The following RNF212B variants were observed in gnomAD, a reference collection of about 807,000 sequenced individuals.
The protein encoded by RNF212B is E3 ubiquitin-protein ligase RNF212B.
Under a neutral mutation model 55.5 loss-of-function variants are expected in RNF212B, and 52 were observed. The ratio of observed to expected loss-of-function variants is 0.94; its 90% CI spans 0.75 to 1.18. The LOEUF is 1.18. RNF212B is among the 50% of genes most tolerant of loss of function. The probability of loss-of-function intolerance (pLI) is 0.00; values close to 1 mark genes in which losing one functional copy is unlikely to be tolerated. For synonymous variants in RNF212B, 99 were observed against 121.4 expected, an observed-to-expected ratio of 0.82 and a Z score of 1.21; for missense variants, 289 against 350.4, an observed-to-expected ratio of 0.82 and a Z score of 1.40.
chr14:23,186,541 G>A (rs1156749651), intron 1 of RNF212B, among the ~76,000 whole-genome samples: 2 of 151,950 alleles, frequency 1.3e-5, no homozygotes, highest in East Asian at 1.9e-4. Context: ...GTAGAGACGG[G>A]GTTTCACCCT....
intron 11 of RNF212B, among the ~76,000 whole-genome samples, chr14:23,267,966 G>T (rs1885818841): frequency 6.6e-6 from 1 of 152,164 alleles, no homozygotes; most frequent in Non-Finnish European, 1.5e-5. Context: ...GATAAGGAAG[G>T]ACTGACTTCT....
rs537207761 is a variant in RNF212B, at chr14:23,232,068, G to A, written c.-1-8277G>A. On this transcript the variant is annotated intron_variant, in intron 2 of 15. Transcript: ENST00000399910. ...GCAGCCTCTGCCCGGCTGCCACCCC[G>A]TCTGGGATGTGAGGAGCGTCTCTGC... Among the ~76,000 whole-genome samples the A allele has an allele frequency of 7.2e-5, 11 of 151,982 alleles. No homozygotes were observed. The East Asian group carries it at 1.7e-3, about 24-fold the overall frequency.
intron 8 of RNF212B, 78 bp from the exon 9 acceptor site, chr14:23,262,850 C>A: frequency 6.9e-7 from 1 of 1,458,630 alleles, no homozygotes; most frequent in South Asian, 1.2e-5. Context: ...ACCAGATAAC[C>A]ATGTACAACA....
At chr14:23,256,497 C>T (rs977869254) in intron 4 of RNF212B, among the ~76,000 whole-genome samples, 1 of 151,872 alleles carries the variant, frequency 6.6e-6, no homozygotes, top group Admixed American at 6.6e-5. Context: ...TCAGCCTCTC[C>T]ATTAGCTGGA....
At chr14:23,224,690 C>G (rs192999302) in intron 2 of RNF212B, among the ~76,000 whole-genome samples, 56 of 152,170 alleles carry the variant, frequency 3.7e-4, no homozygotes, top group African/African-American at 1.2e-3. Flanking sequence ...GACACTGGTC[C>G]GGGCAAAAAT....
At chr14:23,205,762 G>A (rs1219170355) in intron 2 of RNF212B, among the ~76,000 whole-genome samples, 1 of 152,208 alleles carries the variant, frequency 6.6e-6, no homozygotes, top group African/African-American at 2.4e-5. Context: ...CACAGGATTA[G>A]AAGTTATGGC....
chr14:23,229,261 T>C (rs78158415), intron 2 of RNF212B, among the ~76,000 whole-genome samples: 4,323 of 126,986 alleles, frequency 0.034, 259 homozygotes, highest in African/African-American at 0.12. Flanking sequence ...TATATATATA[T>C]ACCACATTGT....
chr14:23,188,033 CTGTT>C (rs1877764820), intron 1 of RNF212B: 2 of 152,214 alleles, frequency 1.3e-5, no homozygotes, highest in South Asian at 4.1e-4. Context: ...AGTGTATGCT[CTGTT>C]TGCCTTTTGG....
intron 2 of RNF212B, among the ~76,000 whole-genome samples, chr14:23,226,890 G>T (rs1855716847): frequency 6.6e-6 from 1 of 150,500 alleles, no homozygotes; most frequent in Non-Finnish European, 1.5e-5. Flanking sequence ...TAATCCTCCG[G>T]GTTTGGCCTC....
chr14:23,187,231 A>G (rs1172093610), intron 1 of RNF212B, among the ~76,000 whole-genome samples: 1 of 152,212 alleles, frequency 6.6e-6, no homozygotes, highest in Non-Finnish European at 1.5e-5. Flanking sequence ...TAGAAAGAGA[A>G]AGGCTGTGCG....
chr14:23,260,369 C>G (rs1330124516), intron 6 of RNF212B, among the ~76,000 whole-genome samples: 2 of 152,216 alleles, frequency 1.3e-5, no homozygotes, highest in Non-Finnish European at 2.9e-5. Flanking sequence ...TGTAATTATT[C>G]TAGCACATTG....
intron 7 of RNF212B, chr14:23,261,183 G>T: frequency 3.3e-6 from 1 of 306,916 alleles, no homozygotes; most frequent in Non-Finnish European, 6.4e-6. Flanking sequence ...AACAAAGGAA[G>T]GAGGAAGTAA....
At chr14:23,264,786 G>T in intron 11 of RNF212B, 115 bp downstream of exon 11, 4 of 475,250 alleles carry the variant, frequency 8.4e-6, no homozygotes, top group Non-Finnish European at 6.8e-6. Context: ...TTTCCTGACA[G>T]TGATTCCATG....
chr14:23,192,678 A>T (rs1233006938), intron 1 of RNF212B, among the ~76,000 whole-genome samples: 1 of 152,206 alleles, frequency 6.6e-6, no homozygotes, highest in Admixed American at 6.5e-5. Flanking sequence ...TAGAACTTAA[A>T]GTATAATAAT....
At chr14:23,251,314 GT>G (rs1884387089) in intron 4 of RNF212B, among the ~76,000 whole-genome samples, 1 of 152,048 alleles carries the variant, frequency 6.6e-6, no homozygotes, top group Non-Finnish European at 1.5e-5. Flanking sequence ...TACTTCACAT[GT>G]TTAGGGCTCA....
chr14:23,237,877 G>T (rs370996472), upstream of RNF212B, among the ~76,000 whole-genome samples: 6 of 151,884 alleles, frequency 4.0e-5, no homozygotes, highest in Non-Finnish European at 5.9e-5. Context: ...CACGCCCACT[G>T]ATTTAGCATA....
At chr14:23,233,559 C>G (rs1882877626), upstream of RNF212B, among the ~76,000 whole-genome samples, 1 of 80,824 alleles carries the variant, frequency 1.2e-5, no homozygotes, top group African/African-American at 6.1e-5. Context: ...AACCCCATCT[C>G]TACAAAAAAA....
At chr14:23,217,255 T>G (rs199650053) in intron 2 of RNF212B, among the ~76,000 whole-genome samples, 38 of 23,876 alleles carry the variant, frequency 1.6e-3, no homozygotes, top group African/African-American at 3.2e-3. Context: ...GTGGCAGTGG[T>G]GGGGGGGGGG....
intron 9 of RNF212B, among the ~76,000 whole-genome samples, chr14:23,263,878 A>T (rs1417685657): frequency 1.3e-5 from 2 of 152,204 alleles, no homozygotes; most frequent in Non-Finnish European, 2.9e-5. Context: ...ATTTGAGGTC[A>T]GGAGTTCGAG....
Sources: gnomAD v4.1 joint callset for allele counts (sites outside exome capture counted in the v4.1 genomes callset) on GRCh38, gnomAD v4.1.1 for gene constraint, MANE v1.5 for transcripts, NCBI Gene and HGNC (gene_info 2026-07-23, HGNC 2026-07-21) for gene names.